Variants in NXPH1 observed in about 807,000 individuals in gnomAD.
NXPH1 encodes the protein neurexophilin 1.
Under a neutral mutation model 23.7 loss-of-function variants are expected in NXPH1, and 5 were observed. The ratio of observed to expected loss-of-function variants is 0.21; its 90% CI spans 0.11 to 0.44. The LOEUF is 0.44. NXPH1 is among the 20% of genes least tolerant of loss of function. The probability of loss-of-function intolerance (pLI) is 0.99; values close to 1 mark genes in which losing one functional copy is unlikely to be tolerated. For missense variants in NXPH1, 324 were observed against 321.6 expected (o/e 1.01, Z -0.06); for synonymous variants, 144 against 122.2 (o/e 1.18, Z -1.18).
At chr7:8,536,237 C>G (rs1818023321) in intron 2 of NXPH1, among the ~76,000 whole-genome samples, 1 of 152,142 alleles carries the variant, frequency 6.6e-6, no homozygotes, top group African/African-American at 2.4e-5. Context: ...GAATTGAACT[C>G]ACTCACATGT....
intron 2 of NXPH1, among the ~76,000 whole-genome samples, chr7:8,671,863 T>G (rs1432456840): frequency 1.3e-5 from 2 of 152,202 alleles, no homozygotes; most frequent in Admixed American, 6.5e-5. Context: ...TGATGAGCAT[T>G]TTTTCATGTG....
At chr7:8,632,974 A>G (rs1048297949) in intron 2 of NXPH1, among the ~76,000 whole-genome samples, 1 of 152,214 alleles carries the variant, frequency 6.6e-6, no homozygotes, top group African/African-American at 2.4e-5. Flanking sequence ...AGTATGGATG[A>G]TTCTTTTTCA....
At chr7:8,726,035 A>G (rs1405666911) in intron 2 of NXPH1, among the ~76,000 whole-genome samples, 1 of 152,162 alleles carries the variant, frequency 6.6e-6, no homozygotes, top group Non-Finnish European at 1.5e-5. Flanking sequence ...GGATAATCAG[A>G]GTGTGTTAAT....
At chr7:8,649,455 C>T (rs1820453792) in intron 2 of NXPH1, among the ~76,000 whole-genome samples, 1 of 152,160 alleles carries the variant, frequency 6.6e-6, no homozygotes, top group Admixed American at 6.5e-5. Flanking sequence ...CCTGCATATA[C>T]ACACACAATT....
At chr7:8,494,295 C>T (rs962429843) in intron 2 of NXPH1, among the ~76,000 whole-genome samples, 10 of 151,990 alleles carry the variant, frequency 6.6e-5, no homozygotes, top group East Asian at 1.9e-4. Context: ...ATTGACTATA[C>T]AGAATGTGAT....
rs185096883 is a variant in NXPH1, at chr7:8,615,406, C to T, written c.55-135602C>T. Reference sequence around the variant, plus strand: ...ACCTCTTAAGGTTGTTGAGAGGATTCGATGGGATAATTTAAATGAGTACAG... The same window carrying T: ...ACCTCTTAAGGTTGTTGAGAGGATTTGATGGGATAATTTAAATGAGTACAG... On this transcript the variant is annotated intron_variant, in intron 2 of 2. Coordinates refer to ENST00000405863, the MANE Select transcript of NXPH1 (RefSeq NM_152745.3). Among the ~76,000 whole-genome samples the T allele has an allele frequency of 1.5e-3, 227 of 152,022 alleles. 1 individual carries two copies. The highest frequency in any genetic ancestry group is 5.1e-3 in the African/African-American group (213 of 41,486).
At chr7:8,620,137 T>C (rs1770312624) in intron 2 of NXPH1, among the ~76,000 whole-genome samples, 1 of 150,856 alleles carries the variant, frequency 6.6e-6, no homozygotes, top group Non-Finnish European at 1.5e-5. Flanking sequence ...ACTACTATTA[T>C]CTTCTGTGTA....
At chr7:8,474,740 T>C (rs889452984) in intron 2 of NXPH1, among the ~76,000 whole-genome samples, 1 of 152,168 alleles carries the variant, frequency 6.6e-6, no homozygotes, top group Non-Finnish European at 1.5e-5. Flanking sequence ...TCTAGTTCAC[T>C]TCATCGAGGT....
intron 2 of NXPH1, among the ~76,000 whole-genome samples, chr7:8,500,739 A>G (rs1435750605): frequency 6.6e-6 from 1 of 152,128 alleles, no homozygotes; most frequent in Admixed American, 6.6e-5. Flanking sequence ...TGCATTATCC[A>G]TAATCCTAAT....
chr7:8,639,635 C>A (rs1280500181), intron 2 of NXPH1, among the ~76,000 whole-genome samples: 1 of 152,060 alleles, frequency 6.6e-6, no homozygotes, highest in East Asian at 1.9e-4. Context: ...TGTCCCCCAC[C>A]CAAATCTTAA....
At chr7:8,739,786 C>G (rs1780329957) in intron 2 of NXPH1, among the ~76,000 whole-genome samples, 3 of 152,048 alleles carry the variant, frequency 2.0e-5, no homozygotes, top group Admixed American at 6.6e-5. Context: ...ATTCTATAAA[C>G]TTTTTCTATT....
chr7:8,576,945 T>C (rs531809994), intron 2 of NXPH1, among the ~76,000 whole-genome samples: 7 of 152,256 alleles, frequency 4.6e-5, no homozygotes, highest in African/African-American at 1.2e-4. Context: ...TTTACTCTTT[T>C]ATGGTGAAAA....
At chr7:8,706,997 C>A (rs1779716210) in intron 2 of NXPH1, among the ~76,000 whole-genome samples, 1 of 152,272 alleles carries the variant, frequency 6.6e-6, no homozygotes, top group Non-Finnish European at 1.5e-5. Flanking sequence ...TTCACCAGTA[C>A]ACAATATATC....
At chr7:8,496,166 G>A (rs1422396096) in intron 2 of NXPH1, among the ~76,000 whole-genome samples, 1 of 151,974 alleles carries the variant, frequency 6.6e-6, no homozygotes, top group Non-Finnish European at 1.5e-5. Flanking sequence ...CCTGGAGAGT[G>A]CAAAGATTAT....
chr7:8,466,820 G>A (rs1179430188), intron 2 of NXPH1, among the ~76,000 whole-genome samples: 2 of 151,880 alleles, frequency 1.3e-5, no homozygotes, highest in Non-Finnish European at 2.9e-5. Flanking sequence ...CTCCCACCCT[G>A]CCCAGCTCCA....
intron 2 of NXPH1, among the ~76,000 whole-genome samples, chr7:8,696,989 C>T (rs1270808163): frequency 1.4e-5 from 1 of 72,572 alleles, no homozygotes; most frequent in Non-Finnish European, 4.9e-5. Flanking sequence ...AAAACCCTGT[C>T]TCTACTAAAA....
chr7:8,724,757 G>C (rs1028599207), intron 2 of NXPH1, among the ~76,000 whole-genome samples: 2 of 152,160 alleles, frequency 1.3e-5, no homozygotes, highest in African/African-American at 4.8e-5. Flanking sequence ...ACTCAGTTTT[G>C]TGTCTGATTA....
At chr7:8,602,358 C>T (rs1346260716) in intron 2 of NXPH1, among the ~76,000 whole-genome samples, 1 of 152,098 alleles carries the variant, frequency 6.6e-6, no homozygotes, top group Non-Finnish European at 1.5e-5. Context: ...TAAACTCAGT[C>T]TCCCTGGCCT....
chr7:8,521,517 G>T (rs1584208628), intron 2 of NXPH1, among the ~76,000 whole-genome samples: 1 of 152,224 alleles, frequency 6.6e-6, no homozygotes, highest in East Asian at 1.9e-4. Flanking sequence ...CCCCACCATG[G>T]TATCCTTGAA....
Sources: gnomAD v4.1 joint callset for allele counts (sites outside exome capture counted in the v4.1 genomes callset) on GRCh38, gnomAD v4.1.1 for gene constraint, MANE v1.5 for transcripts, NCBI Gene and HGNC (gene_info 2026-07-23, HGNC 2026-07-21) for gene names.